The following SPOCK1 variants were observed in gnomAD, a reference collection of about 807,000 sequenced individuals.
SPOCK1 encodes SPARC (osteonectin), cwcv and kazal like domains proteoglycan 1.
In SPOCK1, 23 loss-of-function variants were observed where a neutral mutation model predicts 55.3. That is an observed-to-expected ratio of 0.42 (90% CI 0.30 to 0.59). SPOCK1 has a LOEUF of 0.59. Among genes scored for constraint, SPOCK1 ranks in the 20% least tolerant of loss-of-function variants. The pLI, the probability that SPOCK1 is intolerant of heterozygous loss-of-function variation, is 0.22. For synonymous variants in SPOCK1, 226 were observed against 221.0 expected (o/e 1.02, Z -0.20); for missense variants, 499 against 552.5 (o/e 0.90, Z 0.97).
intron 5 of SPOCK1, among the ~76,000 whole-genome samples, chr5:137,091,020 G>A (rs551363973): frequency 6.6e-6 from 1 of 152,294 alleles, no homozygotes; most frequent in Admixed American, 6.5e-5. Context: ...TGAAAATGGG[G>A]CCACAGGATC....
intron 4 of SPOCK1, among the ~76,000 whole-genome samples, chr5:137,130,614 C>T (rs1330104992): frequency 6.6e-6 from 1 of 152,236 alleles, no homozygotes; most frequent in African/African-American, 2.4e-5. Flanking sequence ...CACAGGGCCC[C>T]TTGTCACTTT....
At chr5:137,482,340 G>C (rs947400962) in intron 2 of SPOCK1, among the ~76,000 whole-genome samples, 2 of 152,182 alleles carry the variant, frequency 1.3e-5, no homozygotes, top group South Asian at 4.1e-4. Context: ...TGAACCAGAA[G>C]TAAAGACGTG....
At position 137,120,967 on chromosome 5, in the gene SPOCK1, G is replaced by A. The variant is rs1753672913; in HGVS notation, c.348-8406C>T. Among the ~76,000 whole-genome samples, 3 of 152,226 alleles carry A rather than the reference G, an allele frequency of 2.0e-5. No homozygotes were observed. In the South Asian group the frequency reaches 6.2e-4, roughly 32 times the overall value. On this transcript the variant is annotated intron_variant, in intron 4 of 10. Coordinates refer to ENST00000394945, the MANE Select transcript of SPOCK1 (RefSeq NM_004598.4). ...TCCTCAAAAGTTCAGTGGAGATGAAGAGGTGAGATCAATCCTATCTGAATT... is the reference window on the plus strand; with the variant it reads ...TCCTCAAAAGTTCAGTGGAGATGAAAAGGTGAGATCAATCCTATCTGAATT...
intron 3 of SPOCK1, among the ~76,000 whole-genome samples, chr5:137,151,020 C>T: frequency 6.6e-6 from 1 of 152,256 alleles, no homozygotes; most frequent in African/African-American, 2.4e-5. Context: ...TCTTGTGTTC[C>T]CATAATCCAA....
chr5:137,002,870 AGACTGAGTGTCT>A (rs1275432739), intron 6 of SPOCK1, among the ~76,000 whole-genome samples: 1 of 152,168 alleles, frequency 6.6e-6, no homozygotes, highest in Non-Finnish European at 1.5e-5. Flanking sequence ...GTGGAGAGCC[AGACTGAGTGTCT>A]GAGAGTCATT....
At chr5:137,401,861 C>A (rs778906331) in intron 2 of SPOCK1, among the ~76,000 whole-genome samples, 29 of 152,056 alleles carry the variant, frequency 1.9e-4, no homozygotes, top group Non-Finnish European at 4.0e-4. Context: ...GCACAAACTC[C>A]CCACACCTTC....
intron 3 of SPOCK1, among the ~76,000 whole-genome samples, chr5:137,255,927 A>G (rs1056838561): frequency 1.3e-5 from 2 of 152,206 alleles, no homozygotes; most frequent in African/African-American, 4.8e-5. Context: ...TTTTGGAGCC[A>G]AAGAAGAAGA....
At position 136,976,926 on chromosome 5, in the gene SPOCK1, T is replaced by C. The variant is rs1157231800; in HGVS notation, c.*1728A>G. ...GTACATCTAAATGGTCAATTTGGGA[T>C]GGGGGATTGGTCAGCTGCCACTATA... On this transcript the variant is annotated 3_prime_UTR_variant, in exon 11 of 11. Transcript: ENST00000394945. 1 of 152,190 alleles carries C rather than the reference T, an allele frequency of 6.6e-6. No individual in the cohort carries two copies. Among genetic ancestry groups the C allele is most frequent in the African/African-American group, 2.4e-5 (1 of 41,440 alleles). The allele number at this position is 152,190 out of a possible 1,614,324, so 9.4% of individuals were successfully genotyped here.
intron 6 of SPOCK1, among the ~76,000 whole-genome samples, chr5:137,030,979 C>CTGTTT (rs1751767566): frequency 6.6e-6 from 1 of 152,110 alleles, no homozygotes; most frequent in African/African-American, 2.4e-5. Flanking sequence ...AAAATCATTC[C>CTGTTT]TGTTTTGTTT....
At chr5:137,195,188 C>T (rs1486383100) in intron 3 of SPOCK1, among the ~76,000 whole-genome samples, 2 of 152,140 alleles carry the variant, frequency 1.3e-5, no homozygotes, top group African/African-American at 4.8e-5. Flanking sequence ...CTTTTAATGC[C>T]CCTTCATTGA....
intron 2 of SPOCK1, among the ~76,000 whole-genome samples, chr5:137,282,932 T>A (rs1421415875): frequency 6.6e-6 from 1 of 152,356 alleles, no homozygotes; most frequent in South Asian, 2.1e-4. Context: ...TGACTGCAGA[T>A]GCATTAGGTG....
intron 6 of SPOCK1, among the ~76,000 whole-genome samples, chr5:137,032,712 AGCTGAG>A (rs1240698150): frequency 6.6e-6 from 1 of 152,164 alleles, no homozygotes; most frequent in African/African-American, 2.4e-5. Context: ...GAGAGAAAGT[AGCTGAG>A]GATTTAGCCA....
At chr5:137,183,622 G>T (rs1232542827) in intron 3 of SPOCK1, among the ~76,000 whole-genome samples, 1 of 152,198 alleles carries the variant, frequency 6.6e-6, no homozygotes, top group Non-Finnish European at 1.5e-5. Flanking sequence ...CTGGTCTAGG[G>T]GTGGGACCTG....
chr5:137,136,495 G>A (rs1021594096), intron 4 of SPOCK1, among the ~76,000 whole-genome samples: 1 of 151,852 alleles, frequency 6.6e-6, no homozygotes, highest in Non-Finnish European at 1.5e-5. Context: ...TGCAATATAG[G>A]AACCACTTGA....
chr5:137,236,937 C>T (rs183305603), intron 3 of SPOCK1, among the ~76,000 whole-genome samples: 1 of 152,174 alleles, frequency 6.6e-6, no homozygotes, highest in African/African-American at 2.4e-5. Flanking sequence ...CAACCAATAC[C>T]ATTCAGATCT....
At position 137,235,736 on chromosome 5, in the gene SPOCK1, A is replaced by G. The variant is rs143166322; in HGVS notation, c.232+31274T>C. 8.6e-3 allele frequency among the ~76,000 whole-genome samples: 1,303 copies of G among 152,330 alleles called. 17 individuals carry two copies. The highest frequency in any genetic ancestry group is 0.029 in the African/African-American group (1,201 of 41,570). ...AACTACAAAGAGTGTGTGTTTATAC[A>G]TAAGAGTAGTACAGATATGACCACT... On this transcript the variant is annotated intron_variant, in intron 3 of 10. Coordinates refer to ENST00000394945, the MANE Select transcript of SPOCK1 (RefSeq NM_004598.4).
At chr5:137,053,009 G>T (rs899188016) in intron 6 of SPOCK1, among the ~76,000 whole-genome samples, 6 of 152,032 alleles carry the variant, frequency 3.9e-5, no homozygotes, top group Admixed American at 3.9e-4. Flanking sequence ...AGCATGCCTT[G>T]TTGGCTGGTA....
At chr5:137,053,356 G>A (rs1752242320) in intron 6 of SPOCK1, among the ~76,000 whole-genome samples, 1 of 151,992 alleles carries the variant, frequency 6.6e-6, no homozygotes, top group African/African-American at 2.4e-5. Flanking sequence ...ACCAGAGATG[G>A]CTCCTGAGGC....
At chr5:137,135,773 T>G (rs1262808176) in intron 4 of SPOCK1, among the ~76,000 whole-genome samples, 1 of 152,222 alleles carries the variant, frequency 6.6e-6, no homozygotes, top group Non-Finnish European at 1.5e-5. Flanking sequence ...TCTTTCACCC[T>G]GCCTAATTAT....
Sources: allele counts gnomAD v4.1 joint callset (sites outside exome capture counted in the v4.1 genomes callset), GRCh38; gene constraint gnomAD v4.1.1; transcripts MANE v1.5; gene names NCBI Gene and HGNC (gene_info 2026-07-23, HGNC 2026-07-21).